CSGALNACT1: variants seen among roughly 807,000 people sequenced by gnomAD.
CSGALNACT1 encodes chondroitin sulfate N-acetylgalactosaminyltransferase 1.
A neutral mutation model predicts 51.0 loss-of-function variants in CSGALNACT1; 52 were observed. The observed-to-expected ratio is 1.02, with a 90% CI of 0.82 to 1.29. The LOEUF is 1.29. Among genes scored for constraint, CSGALNACT1 ranks in the 50% most tolerant of loss-of-function variants. The probability of loss-of-function intolerance (pLI) is 0.00; values close to 1 mark genes in which losing one functional copy is unlikely to be tolerated. For missense variants in CSGALNACT1, 935 were observed against 679.2 expected, an observed-to-expected ratio of 1.38 and a Z score of -4.19; for synonymous variants, 341 against 254.4, an observed-to-expected ratio of 1.34 and a Z score of -3.24.
chr8:19,513,436 C>CTCTCTCTATATATATATATA, intron 3 of CSGALNACT1, among the ~76,000 whole-genome samples: 99 of 81,912 alleles, frequency 1.2e-3, no homozygotes, highest in East Asian at 3.2e-3. Context: ...CTCTCTCTCT[C>CTCTCTCTATATATATATATA]TATATATATA....
At chr8:19,736,347 C>T (rs908417911) in intron 1 of CSGALNACT1, among the ~76,000 whole-genome samples, 38 of 152,012 alleles carry the variant, frequency 2.5e-4, no homozygotes, top group Non-Finnish European at 3.5e-4. Flanking sequence ...CCCACAATAG[C>T]CTAAAATATT....
intron 3 of CSGALNACT1, among the ~76,000 whole-genome samples, chr8:19,509,157 T>C (rs2077948510): frequency 6.6e-6 from 1 of 152,164 alleles, no homozygotes; most frequent in South Asian, 2.1e-4. Flanking sequence ...ACAAAATATC[T>C]CTGAACCGTT....
At chr8:19,672,637 T>C (rs2059880703) in intron 1 of CSGALNACT1, among the ~76,000 whole-genome samples, 1 of 152,260 alleles carries the variant, frequency 6.6e-6, no homozygotes, top group Non-Finnish European at 1.5e-5. Context: ...ATGACATTTA[T>C]ATAATGCCTT....
intron 4 of CSGALNACT1, among the ~76,000 whole-genome samples, chr8:19,500,354 GA>G (rs1488968802): frequency 6.6e-6 from 1 of 152,152 alleles, no homozygotes; most frequent in African/African-American, 2.4e-5. Context: ...CCACTAAGGA[GA>G]ATCCCCACTC....
At chr8:19,689,904 T>C (rs1041622170) in intron 1 of CSGALNACT1, among the ~76,000 whole-genome samples, 3 of 152,244 alleles carry the variant, frequency 2.0e-5, no homozygotes, top group African/African-American at 7.2e-5. Context: ...GCTGTTTTCT[T>C]GTTCCTGCTC....
chr8:19,546,735 C>G (rs1203515931), intron 3 of CSGALNACT1, among the ~76,000 whole-genome samples: 1 of 152,080 alleles, frequency 6.6e-6, no homozygotes, highest in Non-Finnish European at 1.5e-5. Flanking sequence ...TAAACAAAAA[C>G]CTATATGAAA....
chr8:19,550,162 G>A (rs1414573291), intron 3 of CSGALNACT1, among the ~76,000 whole-genome samples: 1 of 151,864 alleles, frequency 6.6e-6, no homozygotes, highest in Non-Finnish European at 1.5e-5. Flanking sequence ...TTAGGTTTTT[G>A]TTTTTAAGCG....
chr8:19,635,888 C>T (rs894425248), intron 1 of CSGALNACT1, among the ~76,000 whole-genome samples: 13 of 152,072 alleles, frequency 8.5e-5, no homozygotes, highest in South Asian at 6.2e-4. Context: ...AGACCATGCC[C>T]GGCTCATTTT....
intron 3 of CSGALNACT1, among the ~76,000 whole-genome samples, chr8:19,533,014 T>G (rs754316743): frequency 6.6e-6 from 1 of 152,242 alleles, no homozygotes; most frequent in Non-Finnish European, 1.5e-5. Context: ...ATTCTGCTCC[T>G]TAAGACTTAT....
intron 1 of CSGALNACT1, among the ~76,000 whole-genome samples, chr8:19,742,589 C>G (rs951731695): frequency 3.9e-5 from 6 of 152,202 alleles, no homozygotes; most frequent in African/African-American, 1.4e-4. Context: ...GCTACTGAAC[C>G]CTGAAATTCT....
chr8:19,553,640 A>ATATATATAGATATATATATATAT (rs201836569), intron 3 of CSGALNACT1, among the ~76,000 whole-genome samples: 1 of 117,044 alleles, frequency 8.5e-6, no homozygotes, highest in African/African-American at 3.7e-5. Context: ...TATATATATA[A>ATATATATAGATATATATATATAT]AAAAATATGT....
At chr8:19,680,064 A>T (rs79109557) in intron 1 of CSGALNACT1, among the ~76,000 whole-genome samples, 21,531 of 152,134 alleles carry the variant, frequency 0.14, 1,829 homozygotes, top group East Asian at 0.41. Context: ...CTTGTTTGAA[A>T]TTGGAAATAT....
chr8:19,585,740 C>T (rs777641337), intron 3 of CSGALNACT1, among the ~76,000 whole-genome samples: 1 of 152,162 alleles, frequency 6.6e-6, no homozygotes, highest in Non-Finnish European at 1.5e-5. Flanking sequence ...AGAACCCATA[C>T]AAAGAACGTT....
chr8:19,419,658 G>C (rs1464562843), intron 7 of CSGALNACT1, among the ~76,000 whole-genome samples: 1 of 152,162 alleles, frequency 6.6e-6, no homozygotes, highest in Non-Finnish European at 1.5e-5. Flanking sequence ...AGGGTTGGCA[G>C]TTTTCCAGCT....
chr8:19,490,725 G>A (rs957031938), intron 4 of CSGALNACT1, among the ~76,000 whole-genome samples: 1 of 152,050 alleles, frequency 6.6e-6, no homozygotes, highest in African/African-American at 2.4e-5. Context: ...TCTTCCACAG[G>A]GCCCATCATC....
Position 19,666,991 on chromosome 8 carries a change from G to GA in CSGALNACT1, c.-544+15481dup, listed in dbSNP as rs1446604454. 1.2e-3 allele frequency among the ~76,000 whole-genome samples: 34 copies of GA among 28,174 alleles called. 1 individual carries two copies. Among genetic ancestry groups the GA allele is most frequent in the African/African-American group, 4.3e-3 (18 of 4,166 alleles). 18.5% of individuals were successfully genotyped at this position (28,174 alleles called of 152,430 possible). A position where few individuals can be genotyped will look rare whatever the true frequency, so the allele number is the denominator to read the frequency against. ...AGAAAGAAAGAAAGAAAGAAAGAAA[G>GA]AAAGAAAGAAAGAAAGAAAGAAAGA... On this transcript the variant is annotated intron_variant, in intron 1 of 9. Transcript: ENST00000332246.
chr8:19,549,611 T>C (rs1323036958), intron 3 of CSGALNACT1, among the ~76,000 whole-genome samples: 1 of 151,430 alleles, frequency 6.6e-6, no homozygotes, highest in East Asian at 1.9e-4. Flanking sequence ...AAACTTCCCC[T>C]TTTCTCCCCA....
chr8:19,476,365 C>G (rs2069641954), intron 4 of CSGALNACT1, among the ~76,000 whole-genome samples: 1 of 152,032 alleles, frequency 6.6e-6, no homozygotes, highest in African/African-American at 2.4e-5. Flanking sequence ...CAGCCTCCCC[C>G]AAGTAGCTGG....
At chr8:19,660,878 T>C (rs926738912) in intron 1 of CSGALNACT1, among the ~76,000 whole-genome samples, 2 of 152,052 alleles carry the variant, frequency 1.3e-5, no homozygotes, top group Non-Finnish European at 2.9e-5. Context: ...ATGACCTCAT[T>C]CTATGGCACA....
Sources: allele counts gnomAD v4.1 joint callset (sites outside exome capture counted in the v4.1 genomes callset), GRCh38; gene constraint gnomAD v4.1.1; transcripts MANE v1.5; gene names NCBI Gene and HGNC (gene_info 2026-07-23, HGNC 2026-07-21).